Variants in ARHGAP20 observed in about 807,000 individuals in gnomAD.
ARHGAP20 encodes the protein rho GTPase-activating protein 20.
ARHGAP20 carries 34 observed loss-of-function variants against 73.7 expected under a neutral mutation model. The ratio of observed to expected loss-of-function variants is 0.46; its 90% CI spans 0.35 to 0.61. The LOEUF (loss-of-function observed/expected upper bound fraction) is 0.61, where lower values mean the gene tolerates loss of function less well. Ranked by LOEUF, ARHGAP20 falls within the 20% of genes least tolerant of loss-of-function variation. ARHGAP20 has a pLI of 0.00. For synonymous variants in ARHGAP20, 523 were observed against 518.2 expected, an observed-to-expected ratio of 1.01 and a Z score of -0.13; for missense variants, 1,314 against 1,420.9, an observed-to-expected ratio of 0.92 and a Z score of 1.21.
At chr11:110,711,450 C>A (rs947508166) in intron 1 of ARHGAP20, among the ~76,000 whole-genome samples, 2 of 138,416 alleles carry the variant, frequency 1.4e-5, no homozygotes, top group Admixed American at 8.3e-5. Flanking sequence ...CCCAGCCGAA[C>A]CTACATGTCC....
At position 110,712,381 on chromosome 11, in the gene ARHGAP20, C is replaced by G; in HGVS notation, c.-150G>C. Reference sequence around the variant, plus strand: ...AGCTCCGGGTGCTCGCCGCGCGCCTCCCGTCGGGGCCATGTACCTCCGCCT... The same window carrying G: ...AGCTCCGGGTGCTCGCCGCGCGCCTGCCGTCGGGGCCATGTACCTCCGCCT... On this transcript the variant is annotated 5_prime_UTR_variant, in exon 1 of 15. Coordinates refer to ENST00000683387, the MANE Select transcript of ARHGAP20 (RefSeq NM_001384657.1). 6.3e-6 allele frequency: 3 copies of G among 479,374 alleles called. No individual in the cohort carries two copies. The highest frequency in any genetic ancestry group is 9.9e-6 in the Non-Finnish European group (3 of 303,246). The allele number at this position is 479,374 out of a possible 1,614,324, so 29.7% of individuals were successfully genotyped here. A position where few individuals can be genotyped will look rare whatever the true frequency, so the allele number is the denominator to read the frequency against.
At chr11:110,590,622 G>A (rs1947801082) in intron 11 of ARHGAP20, 26 bp downstream of exon 11, 3 of 1,599,430 alleles carry the variant, frequency 1.9e-6, no homozygotes, top group Admixed American at 1.7e-5. Context: ...ACACCATGGG[G>A]TGGATAAAGG....
At chr11:110,675,248 C>T (rs368701725) in intron 2 of ARHGAP20, among the ~76,000 whole-genome samples, 7 of 152,192 alleles carry the variant, frequency 4.6e-5, no homozygotes, top group African/African-American at 1.7e-4. Context: ...CATTTCCCTA[C>T]TATATAGAAA....
At chr11:110,691,066 G>T in intron 1 of ARHGAP20, 1 of 1,355,056 alleles carries the variant, frequency 7.4e-7, no homozygotes, top group Non-Finnish European at 9.9e-7. Flanking sequence ...GTAAAGGAGA[G>T]GAAAAAACAG....
At chr11:110,581,376 A>G in intron 14 of ARHGAP20, 151 bp from the exon 15 acceptor site, 1 of 948,680 alleles carries the variant, frequency 1.1e-6, no homozygotes, top group Non-Finnish European at 1.5e-6. Context: ...GTTAGTGAAG[A>G]ATAAAAATAA....
In ARHGAP20 at chr11:110,648,172, A is replaced by C. The variant is rs201757726; in HGVS notation, c.189-17380T>G. Among the ~76,000 whole-genome samples, 599 of 91,484 alleles carry C rather than the reference A, an allele frequency of 6.5e-3. 7 individuals are homozygous for C. Among genetic ancestry groups the C allele is most frequent in the African/African-American group, 0.02 (473 of 23,508 alleles). The allele number at this position is 91,484 out of a possible 152,430, so 60.0% of individuals were successfully genotyped here. A position where few individuals can be genotyped will look rare whatever the true frequency, so the allele number is the denominator to read the frequency against. On this transcript the variant is annotated intron_variant, in intron 2 of 14. Coordinates refer to ENST00000683387, the MANE Select transcript of ARHGAP20 (RefSeq NM_001384657.1). ...TATATATAATATATATATATATGTA[A>C]ATATATATATATATATGTAAATATA...
In ARHGAP20 at chr11:110,609,376, A is replaced by G. The variant is rs538500281; in HGVS notation, c.709-326T>C. 5.3e-5 allele frequency among the ~76,000 whole-genome samples: 8 copies of G among 152,284 alleles called. No individual in the cohort carries two copies. In the South Asian group the frequency reaches 1.7e-3, roughly 32 times the overall value. On this transcript the variant is annotated intron_variant, in intron 7 of 14. Transcript: ENST00000683387. ...CCTCCAACATGCCCCTGCAAAGACAACCTTATTATCCAGAAAACCACAAAC... is the reference window on the plus strand; with the variant it reads ...CCTCCAACATGCCCCTGCAAAGACAGCCTTATTATCCAGAAAACCACAAAC...
intron 1 of ARHGAP20, among the ~76,000 whole-genome samples, chr11:110,695,369 C>T (rs935203809): frequency 6.6e-6 from 1 of 151,450 alleles, no homozygotes; most frequent in African/African-American, 2.4e-5. Flanking sequence ...TTCCATGCTT[C>T]AAAAGACACC....
intron 3 of ARHGAP20, 99 bp from the exon 4 acceptor site, chr11:110,624,410 G>C (rs995092099): frequency 1.0e-6 from 1 of 1,004,906 alleles, no homozygotes; most frequent in Non-Finnish European, 1.4e-6. Flanking sequence ...ACTAACACAG[G>C]TACAGAAAAC....
chr11:110,624,412 A>G (rs1948692770), intron 3 of ARHGAP20, 101 bp from the exon 4 acceptor site: 2 of 934,578 alleles, frequency 2.1e-6, no homozygotes, highest in Non-Finnish European at 3.1e-6. Context: ...TAACACAGGT[A>G]CAGAAAACCA....
intron 11 of ARHGAP20, among the ~76,000 whole-genome samples, chr11:110,587,660 T>C (rs575423309): frequency 6.6e-6 from 1 of 152,316 alleles, no homozygotes; most frequent in East Asian, 1.9e-4. Context: ...AAATTGCATA[T>C]GGCCAAATAT....
intron 4 of ARHGAP20, among the ~76,000 whole-genome samples, chr11:110,621,232 G>A (rs4938028): frequency 0.28 from 42,163 of 151,834 alleles, 5,970 homozygotes; most frequent in Admixed American, 0.36. Flanking sequence ...ATTTATGGTT[G>A]TTTATAACAT....
Position 110,578,728 on chromosome 11 carries a change from A to AT in ARHGAP20, c.*641dup, listed in dbSNP as rs1947351367. On this transcript the variant is annotated 3_prime_UTR_variant, in exon 15 of 15. Coordinates refer to ENST00000683387, the MANE Select transcript of ARHGAP20 (RefSeq NM_001384657.1). The stretch of plus-strand genomic sequence containing the variant: ...CCGACAAATACAACCAACAAAACTG[A>AT]TATCATGGTACCCATGGCTTTTGAG... The AT allele has an allele frequency of 2.0e-6, 2 of 985,410 alleles. No individual in the cohort carries two copies. Among genetic ancestry groups the AT allele is most frequent in the Non-Finnish European group, 2.4e-6 (2 of 829,920 alleles). 61.0% of individuals were successfully genotyped at this position (985,410 alleles called of 1,614,324 possible).
intron 9 of ARHGAP20, among the ~76,000 whole-genome samples, chr11:110,593,500 G>A (rs1249880489): frequency 2.0e-5 from 3 of 152,166 alleles, no homozygotes; most frequent in Admixed American, 1.3e-4. Context: ...TAGATATAGA[G>A]GTCAAAGTGT....
At chr11:110,625,815 T>C in intron 3 of ARHGAP20, among the ~76,000 whole-genome samples, 1 of 152,198 alleles carries the variant, frequency 6.6e-6, no homozygotes, top group East Asian at 1.9e-4. Flanking sequence ...GGGTACTTCT[T>C]GGCATTCAGA....
rs193153811 is a variant in ARHGAP20 at position 110,596,799 on chromosome 11, C to T, written c.965-4644G>A. On this transcript the variant is annotated intron_variant, in intron 9 of 14. Transcript: ENST00000683387. Reference sequence around the variant, plus strand: ...AGTAATCCCGTTACTGGGTATATACCCAAAGGATTATAAATCATGCTGCTA... The same window carrying T: ...AGTAATCCCGTTACTGGGTATATACTCAAAGGATTATAAATCATGCTGCTA... 2.4e-3 allele frequency among the ~76,000 whole-genome samples: 358 copies of T among 152,040 alleles called. 2 individuals carry two copies. Among genetic ancestry groups the T allele is most frequent in the Admixed American group, 5.3e-3 (81 of 15,260 alleles).
chr11:110,658,338 T>G (rs1489260109), intron 2 of ARHGAP20, among the ~76,000 whole-genome samples: 1 of 152,176 alleles, frequency 6.6e-6, no homozygotes, highest in Non-Finnish European at 1.5e-5. Context: ...TTGGGACTTT[T>G]CTAGAAACCT....
At chr11:110,608,117 C>T (rs1166432797) in intron 8 of ARHGAP20, among the ~76,000 whole-genome samples, 2 of 152,134 alleles carry the variant, frequency 1.3e-5, no homozygotes, top group African/African-American at 4.8e-5. Context: ...CACTGAATTA[C>T]ACAGTTGTGA....
intron 9 of ARHGAP20, among the ~76,000 whole-genome samples, chr11:110,600,128 G>T (rs1391763402): frequency 2.0e-5 from 3 of 152,232 alleles, no homozygotes; most frequent in Admixed American, 6.5e-5. Flanking sequence ...CACAGGATGA[G>T]AACTTCAGAT....
Sources: gnomAD v4.1 joint callset for allele counts (sites outside exome capture counted in the v4.1 genomes callset) on GRCh38, gnomAD v4.1.1 for gene constraint, MANE v1.5 for transcripts, NCBI Gene and HGNC (gene_info 2026-07-23, HGNC 2026-07-21) for gene names.